The following TMEM144 variants were observed in gnomAD, a reference collection of about 807,000 sequenced individuals.
TMEM144 encodes transmembrane protein 144.
Under a neutral mutation model 43.6 loss-of-function variants are expected in TMEM144, and 39 were observed. The ratio of observed to expected loss-of-function variants is 0.90; its 90% CI spans 0.69 to 1.17. TMEM144 has a LOEUF of 1.17. Ranked by LOEUF, TMEM144 falls within the 50% of genes most tolerant of loss-of-function variation. TMEM144 has a pLI of 0.00. For synonymous variants in TMEM144, 154 were observed against 133.6 expected (o/e 1.15, Z -1.06); for missense variants, 417 against 411.9 (o/e 1.01, Z -0.11).
chr4:158,222,726 T>C (rs1358246055), intron 6 of TMEM144, among the ~76,000 whole-genome samples: 2 of 152,232 alleles, frequency 1.3e-5, no homozygotes, highest in Non-Finnish European at 2.9e-5. Flanking sequence ...TTACACATAA[T>C]TGATGCTTAG....
chr4:158,223,660 G>A (rs574246727), intron 6 of TMEM144, among the ~76,000 whole-genome samples: 1 of 152,308 alleles, frequency 6.6e-6, no homozygotes, highest in African/African-American at 2.4e-5. Context: ...AGAACATGCA[G>A]TGTTTGGTTT....
At chr4:158,242,205 G>A (rs1438451934) in intron 11 of TMEM144, among the ~76,000 whole-genome samples, 1 of 152,198 alleles carries the variant, frequency 6.6e-6, no homozygotes, top group African/African-American at 2.4e-5. Context: ...TGGAAGCAAA[G>A]CCTTCTCACT....
chr4:158,229,331 C>T (rs1734942895), intron 6 of TMEM144, among the ~76,000 whole-genome samples: 2 of 152,164 alleles, frequency 1.3e-5, no homozygotes, highest in African/African-American at 4.8e-5. Flanking sequence ...AGAGATGTTA[C>T]TCAAGGAGGC....
chr4:158,244,024 A>G (rs1735752856), intron 11 of TMEM144, among the ~76,000 whole-genome samples: 1 of 152,180 alleles, frequency 6.6e-6, no homozygotes, highest in Non-Finnish European at 1.5e-5. Context: ...AAAATAATTT[A>G]TGTCAGATAT....
chr4:158,216,829 CAA>C (rs111451438), intron 4 of TMEM144, among the ~76,000 whole-genome samples: 3 of 133,050 alleles, frequency 2.3e-5, no homozygotes, highest in Non-Finnish European at 3.3e-5. Flanking sequence ...GGACTTGAGA[CAA>C]AAAAAAAAAA....
At chr4:158,251,121 G>A (rs1336339468) in intron 12 of TMEM144, among the ~76,000 whole-genome samples, 1 of 152,144 alleles carries the variant, frequency 6.6e-6, no homozygotes, top group African/African-American at 2.4e-5. Context: ...CTTTTAAGAA[G>A]GATCTAATAG....
Position 158,217,378 on chromosome 4 carries a change from T to A in TMEM144, c.290T>A (p.Ile97Asn). 1 of 1,613,316 alleles carries A rather than the reference T, an allele frequency of 6.2e-7. No homozygotes were observed. The highest frequency in any genetic ancestry group is 8.5e-7 in the Non-Finnish European group (1 of 1,179,470). Residue 97 changes from isoleucine (I) to asparagine (N), a missense_variant, in exon 5 of 13, where the codon ATC becomes AAC. Transcript: ENST00000296529. ...KTIGLGLGIL[I>N]WGSFNALTGW... ...ATTGGTTTAGGCCTTGGAATCTTAA[T>A]CTGGGGATCATTTAATGCCTTAACT...
intron 4 of TMEM144, among the ~76,000 whole-genome samples, chr4:158,217,095 C>G (rs1444218922): frequency 6.6e-6 from 1 of 152,124 alleles, no homozygotes; most frequent in East Asian, 1.9e-4. Flanking sequence ...GAATTCAACA[C>G]TTTTCTTTGT....
At chr4:158,222,193 A>T (rs1041229270) in intron 6 of TMEM144, among the ~76,000 whole-genome samples, 14 of 152,102 alleles carry the variant, frequency 9.2e-5, no homozygotes, top group Admixed American at 7.2e-4. Context: ...CCCTGGTTCC[A>T]TTCTTCCCTT....
chr4:158,228,964 G>C (rs1289214663), intron 6 of TMEM144, among the ~76,000 whole-genome samples: 1 of 152,038 alleles, frequency 6.6e-6, no homozygotes, highest in Non-Finnish European at 1.5e-5. Flanking sequence ...TTGACTGGGG[G>C]CTGCATGCAC....
At chr4:158,248,442 A>C (rs1736004527) in intron 12 of TMEM144, among the ~76,000 whole-genome samples, 2 of 152,088 alleles carry the variant, frequency 1.3e-5, no homozygotes, top group South Asian at 2.1e-4. Flanking sequence ...TAACCACATA[A>C]ATAAATAAAC....
chr4:158,211,709 G>A (rs1733968620), intron 2 of TMEM144, 135 bp downstream of exon 2: 1 of 152,192 alleles, frequency 6.6e-6, no homozygotes, highest in African/African-American at 2.4e-5. Context: ...TATAGAGGAT[G>A]TTTTCTTAAT....
intron 6 of TMEM144, among the ~76,000 whole-genome samples, chr4:158,232,142 T>A (rs916301165): frequency 4.4e-4 from 67 of 152,234 alleles, no homozygotes; most frequent in African/African-American, 1.6e-3. Flanking sequence ...TTTAACAAAT[T>A]TGCATGGCTT....
chr4:158,237,341 C>A, intron 8 of TMEM144, 184 bp from the exon 9 acceptor site: 1 of 541,372 alleles, frequency 1.8e-6, no homozygotes, highest in Non-Finnish European at 3.3e-6. Context: ...TCCTCCTAGT[C>A]CTGATGCCAC....
At chr4:158,213,765 C>A (rs1311093560) in intron 3 of TMEM144, 2 of 152,148 alleles carry the variant, frequency 1.3e-5, no homozygotes, top group Non-Finnish European at 2.9e-5. Flanking sequence ...TTCCCCAATT[C>A]TTTGTCTTCG....
rs1735151910 is a variant in TMEM144, at chr4:158,232,902, G to C, written c.415G>C (p.Ala139Pro). ...CACTAAAATTTATTTTCCTTACAGT[G>C]CTTTCATATTTTTGTTCATCAAAAG... Reference protein sequence around the residue: ...YIGAGLSVVSAFIFLFIKSEI... With the variant: ...YIGAGLSVVSPFIFLFIKSEI... The change falls in exon 7 of 13, where the codon GCT (alanine) becomes CCT (proline). Residue 139 changes from alanine (A) to proline (P), a missense_variant and splice_region_variant. Ala to Pro is a conservative substitution (Grantham distance 27). Transcript: ENST00000296529. 6.2e-7 allele frequency: 1 copy of C among 1,604,618 alleles called. No homozygotes were observed. The highest frequency in any genetic ancestry group is 1.7e-5 in the Admixed American group (1 of 58,626).
intron 11 of TMEM144, among the ~76,000 whole-genome samples, chr4:158,242,574 T>C (rs1426845698): frequency 2.0e-5 from 3 of 152,200 alleles, no homozygotes; most frequent in Non-Finnish European, 4.4e-5. Flanking sequence ...GGTATACATA[T>C]TCCCATAGTT....
chr4:158,225,313 G>A (rs1042437936), intron 6 of TMEM144, among the ~76,000 whole-genome samples: 1 of 152,124 alleles, frequency 6.6e-6, no homozygotes, highest in Non-Finnish European at 1.5e-5. Context: ...GGGTGTAAAG[G>A]GTTTTGTCAG....
intron 10 of TMEM144, among the ~76,000 whole-genome samples, chr4:158,241,125 G>GT (rs772423595): frequency 0.045 from 6,625 of 146,904 alleles, 442 homozygotes; most frequent in African/African-American, 0.15. Flanking sequence ...AATACTACAG[G>GT]TTTTTTTTTT....
Sources: allele counts gnomAD v4.1 joint callset (sites outside exome capture counted in the v4.1 genomes callset), GRCh38; gene constraint gnomAD v4.1.1; transcripts MANE v1.5; gene names NCBI Gene and HGNC (gene_info 2026-07-23, HGNC 2026-07-21).